LAMA3: variants seen among roughly 807,000 people sequenced by gnomAD.
LAMA3 encodes laminin subunit alpha 3.
Under a neutral mutation model 402.0 loss-of-function variants are expected in LAMA3, and 281 were observed. The ratio of observed to expected loss-of-function variants is 0.70; its 90% confidence interval spans 0.63 to 0.77. LAMA3 has a LOEUF of 0.77. Among genes scored for constraint, LAMA3 ranks in the 30% least tolerant of loss-of-function variants. The pLI is 0.00. For synonymous variants in LAMA3, 1,431 were observed against 1,558.4 expected, an observed-to-expected ratio of 0.92 and a Z score of 1.93; for missense variants, 3,840 against 4,215.5, an observed-to-expected ratio of 0.91 and a Z score of 2.47.
intron 37 of LAMA3, among the ~76,000 whole-genome samples, chr18:23,868,148 G>C (rs906592913): frequency 6.6e-6 from 1 of 152,098 alleles, no homozygotes; most frequent in African/African-American, 2.4e-5. Flanking sequence ...GCTCACTGGA[G>C]CATTTCAGCT....
intron 1 of LAMA3, among the ~76,000 whole-genome samples, chr18:23,690,877 T>TTATC (rs1177590921): frequency 2.5e-5 from 1 of 40,392 alleles, no homozygotes; most frequent in African/African-American, 6.0e-5. Flanking sequence ...TGGCAATTAT[T>TTATC]TATTTATTTA....
intron 8 of LAMA3, among the ~76,000 whole-genome samples, chr18:23,769,867 T>C (rs2337183): frequency 0.24 from 36,308 of 152,250 alleles, 6,394 homozygotes; most frequent in East Asian, 0.65. Flanking sequence ...TGTTCACAAG[T>C]ACTTACCTTT....
chr18:23,953,043 A>G lies in LAMA3; in HGVS notation c.9790A>G (p.Thr3264Ala). ...GGAACTGGACACAGACAGTAGCTAC[A>G]CAGCTGGACAGATCCCCTTCCCACC... ...HLELDTDSSY[T>A]AGQIPFPPAS... Residue 3264 changes from threonine (T) to alanine (A), a missense_variant, in exon 74 of 75, where the codon ACA (threonine) becomes GCA (alanine). Around this residue, in one of 3 missense-constraint regions of LAMA3, gnomAD observed 840 missense variants for 981.9 expected, o/e 0.86. Coordinates refer to ENST00000313654, the MANE Select transcript of LAMA3 (RefSeq NM_198129.4). The G allele has an allele frequency of 6.2e-7, 1 of 1,614,154 alleles. No homozygotes were observed. The highest frequency in any genetic ancestry group is 1.1e-5 in the South Asian group (1 of 91,086).
intron 68 of LAMA3, among the ~76,000 whole-genome samples, chr18:23,940,161 C>CCTT (rs2082447485): frequency 1.3e-5 from 2 of 152,114 alleles, no homozygotes; most frequent in African/African-American, 4.8e-5. Context: ...CAGAAGGGGA[C>CCTT]AGAGATGGGG....
rs113909373 is a variant in LAMA3 at position 23,789,307 on chromosome 18, G to T, written c.1603+5150G>T. 2.2e-3 allele frequency among the ~76,000 whole-genome samples: 340 copies of T among 152,230 alleles called. 1 individual carries two copies. Among genetic ancestry groups the T allele is most frequent in the African/African-American group, 7.5e-3 (310 of 41,554 alleles). On this transcript the variant is annotated intron_variant, in intron 12 of 74. Coordinates refer to ENST00000313654, the MANE Select transcript of LAMA3 (RefSeq NM_198129.4). ...CATAAAGTTACCATGCTACCCAACAGATCTATTCTTCAGTGTATATCCAAA... is the reference window on the plus strand; with the variant it reads ...CATAAAGTTACCATGCTACCCAACATATCTATTCTTCAGTGTATATCCAAA...
intron 70 of LAMA3, among the ~76,000 whole-genome samples, chr18:23,947,468 G>T (rs1311191284): frequency 6.6e-6 from 1 of 152,172 alleles, no homozygotes; most frequent in Non-Finnish European, 1.5e-5. Flanking sequence ...TCTGGGCCTA[G>T]AAATGGGCAT....
intron 62 of LAMA3, among the ~76,000 whole-genome samples, chr18:23,923,554 G>C (rs997646780): frequency 6.6e-6 from 1 of 152,216 alleles, no homozygotes; most frequent in Non-Finnish European, 1.5e-5. Context: ...CAACGGAGGA[G>C]TGGGGTGAGA....
chr18:23,928,786 A>G (rs1219689082), intron 64 of LAMA3, 21 bp downstream of exon 64: 6 of 1,605,622 alleles, frequency 3.7e-6, no homozygotes, highest in South Asian at 2.2e-5. Context: ...GTGCATTAAT[A>G]TCAAACAAGA....
intron 23 of LAMA3, among the ~76,000 whole-genome samples, chr18:23,829,125 A>T (rs912601865): frequency 5.9e-5 from 9 of 152,232 alleles, no homozygotes; most frequent in Admixed American, 3.9e-4. Flanking sequence ...ACATAGACTT[A>T]TATCAGTTTA....
At chr18:23,868,338 C>G (rs1357318327) in intron 37 of LAMA3, among the ~76,000 whole-genome samples, 3 of 152,196 alleles carry the variant, frequency 2.0e-5, no homozygotes, top group Non-Finnish European at 4.4e-5. Context: ...ATGTGGCTTT[C>G]TTGGTACCAT....
intron 1 of LAMA3, among the ~76,000 whole-genome samples, chr18:23,707,341 C>T (rs2060908890): frequency 6.6e-6 from 1 of 152,198 alleles, no homozygotes; most frequent in African/African-American, 2.4e-5. Flanking sequence ...GACTTCTTGC[C>T]TGCTGGCTTC....
intron 19 of LAMA3, among the ~76,000 whole-genome samples, chr18:23,821,556 T>A (rs903617163): frequency 7.2e-5 from 11 of 152,204 alleles, no homozygotes; most frequent in Admixed American, 2.0e-4. Context: ...TGGTTCAGAA[T>A]TAAAATAGTC....
At position 23,713,999 on chromosome 18, in the gene LAMA3, G is replaced by T. The variant is rs374056674; in HGVS notation, c.374G>T (p.Arg125Leu). The T allele has an allele frequency of 6.8e-6, 11 of 1,613,416 alleles. No individual in the cohort carries two copies. The East Asian group carries it at 2.2e-4, about 33-fold the overall frequency. Reference sequence around the variant, plus strand: ...ACCAATGCCATCGATGGATCTGAACGTTGGTGGCAAAGCCCTCCCCTGTCC... The same window carrying T: ...ACCAATGCCATCGATGGATCTGAACTTTGGTGGCAAAGCCCTCCCCTGTCC... ...PVTNAIDGSERWWQSPPLSSG... is the reference protein window; with the variant it reads ...PVTNAIDGSELWWQSPPLSSG... The change falls in exon 2 of 75, where the codon CGT (arginine) becomes CTT (leucine). Residue 125 changes from arginine to leucine, a missense_variant. By Grantham distance (102) the Arg-to-Leu change is moderately radical. This residue lies in a region of LAMA3 where 2,109 missense variants were observed against 2,376.0 expected (regional missense o/e 0.89). Transcript: ENST00000313654.
chr18:23,877,319 T>G lies in LAMA3; in HGVS notation c.5112+912T>G, dbSNP rs150394706. Among the ~76,000 whole-genome samples, 327 of 152,334 alleles carry G rather than the reference T, an allele frequency of 2.1e-3. 1 individual carries two copies. The highest frequency in any genetic ancestry group is 7.3e-3 in the African/African-American group (302 of 41,570). ...ATAAAATTCTTCTACCTAAAATTAG[T>G]TTCTTAGGAAATTTTTCTTATGCAT... On this transcript the variant is annotated intron_variant, in intron 39 of 74. Coordinates refer to ENST00000313654, the MANE Select transcript of LAMA3 (RefSeq NM_198129.4).
At chr18:23,709,753 C>T in intron 1 of LAMA3, 1 of 541,378 alleles carries the variant, frequency 1.8e-6, no homozygotes, top group Admixed American at 2.2e-5. Context: ...TCTTCTGCTC[C>T]ACAAGTTTGA....
chr18:23,743,051 G>T (rs1251654463), intron 2 of LAMA3, among the ~76,000 whole-genome samples: 1 of 152,168 alleles, frequency 6.6e-6, no homozygotes, highest in East Asian at 1.9e-4. Flanking sequence ...CTTTTCTGAG[G>T]ATATAGGAGT....
Position 23,954,919 on chromosome 18 carries a change from C to A in LAMA3, c.*271C>A. 3 of 413,312 alleles carry A rather than the reference C, an allele frequency of 7.3e-6. No individual in the cohort carries two copies. Among genetic ancestry groups the A allele is most frequent in the Non-Finnish European group, 1.3e-5 (3 of 227,614 alleles). The allele number at this position is 413,312 out of a possible 1,614,324, so 25.6% of individuals were successfully genotyped here. On this transcript the variant is annotated 3_prime_UTR_variant, in exon 75 of 75. Coordinates refer to ENST00000313654, the MANE Select transcript of LAMA3 (RefSeq NM_198129.4). ...ATGTTTTTGGTAATATTAATTTCCA[C>A]TAAAAAATTAAATGTCTTTTAAGAA...
At chr18:23,766,570 G>A (rs1412284040) in intron 8 of LAMA3, among the ~76,000 whole-genome samples, 1 of 152,222 alleles carries the variant, frequency 6.6e-6, no homozygotes, top group East Asian at 1.9e-4. Flanking sequence ...GGGCGTGGTG[G>A]CTCATGCCTG....
At chr18:23,732,806 A>G (rs1026569701) in intron 2 of LAMA3, among the ~76,000 whole-genome samples, 4 of 152,140 alleles carry the variant, frequency 2.6e-5, no homozygotes, top group Admixed American at 1.3e-4. Flanking sequence ...ATTAGAGATA[A>G]TAATAGTACT....
Sources: allele counts gnomAD v4.1 joint callset (sites outside exome capture counted in the v4.1 genomes callset), GRCh38; gene constraint gnomAD v4.1.1; regional missense constraint gnomAD v4.1.1; transcripts MANE v1.5; gene names NCBI Gene and HGNC (gene_info 2026-07-23, HGNC 2026-07-21).